SUSD1: variants seen among roughly 807,000 people sequenced by gnomAD.
SUSD1 encodes sushi domain-containing protein 1.
In SUSD1, 65 loss-of-function variants were observed where a neutral mutation model predicts 86.9. The ratio of observed to expected loss-of-function variants is 0.75; its 90% CI spans 0.61 to 0.92. SUSD1 has a LOEUF of 0.92. SUSD1 is among the 40% of genes least tolerant of loss of function. The pLI, the probability that SUSD1 is intolerant of heterozygous loss-of-function variation, is 0.00. For missense variants in SUSD1, 850 were observed against 929.7 expected, an observed-to-expected ratio of 0.91 and a Z score of 1.11; for synonymous variants, 346 against 350.0, an observed-to-expected ratio of 0.99 and a Z score of 0.13.
At chr9:112,147,355 A>C (rs1832846989) in intron 3 of SUSD1, among the ~76,000 whole-genome samples, 1 of 152,098 alleles carries the variant, frequency 6.6e-6, no homozygotes, top group Non-Finnish European at 1.5e-5. Flanking sequence ...AAAATACAAA[A>C]ATTAGCTGGG....
chr9:112,152,985 GC>G (rs1833133401), intron 2 of SUSD1, among the ~76,000 whole-genome samples: 1 of 151,864 alleles, frequency 6.6e-6, no homozygotes, highest in South Asian at 2.1e-4. Flanking sequence ...TCAGACACAG[GC>G]CAGGCACAGT....
chr9:112,150,537 G>A (rs1424076656), intron 2 of SUSD1, among the ~76,000 whole-genome samples: 2 of 152,146 alleles, frequency 1.3e-5, no homozygotes, highest in Non-Finnish European at 2.9e-5. Flanking sequence ...ACAGTCATAT[G>A]TCACTTAATG....
At chr9:112,070,518 C>G (rs1008486734) in intron 12 of SUSD1, among the ~76,000 whole-genome samples, 36 of 152,162 alleles carry the variant, frequency 2.4e-4, no homozygotes. Flanking sequence ...GATTTAGACC[C>G]AAGGCAAGAA....
chr9:112,165,922 A>AAAGAAAGAAGAACG (rs1554777735), intron 1 of SUSD1, among the ~76,000 whole-genome samples: 6 of 79,782 alleles, frequency 7.5e-5, no homozygotes, highest in African/African-American at 3.1e-4. Context: ...AGGAAGAAAG[A>AAAGAAAGAAGAACG]AAAGAAAGAA....
chr9:112,121,029 A>G (rs1831533379), intron 6 of SUSD1, among the ~76,000 whole-genome samples: 1 of 152,212 alleles, frequency 6.6e-6, no homozygotes, highest in South Asian at 2.1e-4. Flanking sequence ...GCTTTTGCAA[A>G]TGCCATGATA....
chr9:112,059,238 G>A (rs1261066032), intron 13 of SUSD1, among the ~76,000 whole-genome samples: 1 of 152,208 alleles, frequency 6.6e-6, no homozygotes, highest in Non-Finnish European at 1.5e-5. Flanking sequence ...ACAGGGCAAG[G>A]GACCTCTCCA....
In SUSD1 at chr9:112,156,437, G is replaced by A. The variant is rs903701687; in HGVS notation, c.217+1063C>T. ...AGATCGCACCACTGCACTCCAGCCT[G>A]GGCGACGAGTGAGACTCCATCTCAA... On this transcript the variant is annotated intron_variant, in intron 2 of 16. Transcript: ENST00000374270. Among the ~76,000 whole-genome samples the A allele has an allele frequency of 3.3e-5, 5 of 151,806 alleles. No homozygotes were observed. The East Asian group carries it at 9.7e-4, about 29-fold the overall frequency.
At position 112,161,299 on chromosome 9, in the gene SUSD1, G is replaced by T. The variant is rs371518987; in HGVS notation, c.104-3686C>A. Reference sequence around the variant, plus strand: ...GGAGGCTAAAGCAGGGGAATCACTTGAACCCTGGAGGCAGAGGTTGCAGTG... The same window carrying T: ...GGAGGCTAAAGCAGGGGAATCACTTTAACCCTGGAGGCAGAGGTTGCAGTG... On this transcript the variant is annotated intron_variant, in intron 1 of 16. Coordinates refer to ENST00000374270, the MANE Select transcript of SUSD1 (RefSeq NM_022486.5). Among the ~76,000 whole-genome samples the T allele has an allele frequency of 1.1e-4, 16 of 151,294 alleles. No individual in the cohort carries two copies. The South Asian group carries it at 3.3e-3, about 32-fold the overall frequency.
chr9:112,064,056 G>GGC, intron 12 of SUSD1, among the ~76,000 whole-genome samples: 2 of 131,704 alleles, frequency 1.5e-5, no homozygotes, highest in Admixed American at 7.6e-5. Flanking sequence ...TGGGGGGGGG[G>GGC]CGGGTGGGGG....
In SUSD1 at chr9:112,146,918, G is replaced by GAGTC. The variant is rs536582239; in HGVS notation, c.373+2322_373+2325dup. On this transcript the variant is annotated intron_variant, in intron 3 of 16. Coordinates refer to ENST00000374270, the MANE Select transcript of SUSD1 (RefSeq NM_022486.5). ...CCCAAAGTCCTGGGGATACAGGCGT[G>GAGTC]AGTCACCATGCCCAGCCTTCTTCAT... 4.7e-3 allele frequency among the ~76,000 whole-genome samples: 709 copies of GAGTC among 152,306 alleles called. 4 individuals are homozygous for GAGTC. The highest frequency in any genetic ancestry group is 0.016 in the African/African-American group (655 of 41,558).
intron 5 of SUSD1, among the ~76,000 whole-genome samples, chr9:112,141,883 A>G (rs1015416166): frequency 7.4e-6 from 1 of 134,236 alleles, no homozygotes; most frequent in Non-Finnish European, 1.6e-5. Flanking sequence ...ATGTGTGTGT[A>G]TATATATGTA....
chr9:112,136,739 C>G (rs1466424744), intron 5 of SUSD1, among the ~76,000 whole-genome samples: 1 of 152,180 alleles, frequency 6.6e-6, no homozygotes, highest in African/African-American at 2.4e-5. Flanking sequence ...TGTAATGAAG[C>G]TTATCTGCCA....
chr9:112,047,362 C>T (rs1049647687), intron 15 of SUSD1, among the ~76,000 whole-genome samples: 1 of 152,090 alleles, frequency 6.6e-6, no homozygotes, highest in Non-Finnish European at 1.5e-5. Context: ...GATTACAATT[C>T]GACATGAGAT....
At chr9:112,138,235 G>GTATATATATA (rs1832355678) in intron 5 of SUSD1, among the ~76,000 whole-genome samples, 1 of 2,692 alleles carries the variant, frequency 3.7e-4, no homozygotes, top group Non-Finnish European at 2.4e-3. Flanking sequence ...AAAAAAAAAT[G>GTATATATATA]TGTATATATA....
Position 112,157,600 on chromosome 9 carries a change from A to G in SUSD1, c.117T>C (p.Cys39=). 1.2e-6 allele frequency: 2 copies of G among 1,613,770 alleles called. No individual in the cohort carries two copies. Among genetic ancestry groups the G allele is most frequent in the Non-Finnish European group, 1.7e-6 (2 of 1,179,688 alleles). The change falls in exon 2 of 17, where the codon TGT becomes TGC. Residue 39 remains cysteine (C), a synonymous_variant. Transcript: ENST00000374270. The part of the protein sequence containing the change: ...GAPGPDGLDV[C]ATCHEHATCQ... The stretch of plus-strand genomic sequence containing the variant: ...ATGTGGCATGTTCATGGCAAGTGGC[A>G]CAGACGTCTAAACCTGAATCATAAA...
rs528638637 is a variant in SUSD1, at chr9:112,131,801, T to C, written c.707-7365A>G. Among the ~76,000 whole-genome samples the C allele has an allele frequency of 4.6e-5, 7 of 152,348 alleles. No individual in the cohort carries two copies. In the South Asian group the frequency reaches 1.4e-3, roughly 32 times the overall value. On this transcript the variant is annotated intron_variant, in intron 5 of 16. Transcript: ENST00000374270. ...CATGTTTCTCTGGCTAATTACGTTA[T>C]TAAGTAACAACGTTTGCATCTGCAT...
Position 112,142,516 on chromosome 9 carries a change from G to C in SUSD1, c.527-17C>G. On this transcript the variant is annotated splice_polypyrimidine_tract_variant and intron_variant, in intron 4 of 16. Coordinates refer to ENST00000374270, the MANE Select transcript of SUSD1 (RefSeq NM_022486.5). ...AGTCTATTTCTGAAAATAAATTAAT[G>C]TCAAATTCATTACCTCGTGAATGTA... is the stretch of plus-strand genomic sequence containing the variant. 2 of 1,603,922 alleles carry C rather than the reference G, an allele frequency of 1.2e-6. No homozygotes were observed. Among genetic ancestry groups the C allele is most frequent in the Non-Finnish European group, 1.7e-6 (2 of 1,176,604 alleles).
intron 6 of SUSD1, among the ~76,000 whole-genome samples, chr9:112,122,927 A>C (rs1453271498): frequency 6.6e-6 from 1 of 152,198 alleles, no homozygotes; most frequent in Non-Finnish European, 1.5e-5. Context: ...AGAGACAGAA[A>C]GTAGAAGGGT....
At chr9:112,165,076 G>A (rs1212220721) in intron 1 of SUSD1, among the ~76,000 whole-genome samples, 1 of 152,222 alleles carries the variant, frequency 6.6e-6, no homozygotes, top group East Asian at 1.9e-4. Flanking sequence ...CTCACAGGTG[G>A]ATCACATTTT....
Sources: gnomAD v4.1 joint callset for allele counts (sites outside exome capture counted in the v4.1 genomes callset) on GRCh38, gnomAD v4.1.1 for gene constraint, MANE v1.5 for transcripts, NCBI Gene and HGNC (gene_info 2026-07-23, HGNC 2026-07-21) for gene names.